Variants in DLGAP2 observed in about 807,000 individuals in gnomAD.
The protein encoded by DLGAP2 is disks large-associated protein 2.
Under a neutral mutation model 100.3 loss-of-function variants are expected in DLGAP2, and 26 were observed. The ratio of observed to expected loss-of-function variants is 0.26; its 90% CI spans 0.19 to 0.36. The LOEUF (loss-of-function observed/expected upper bound fraction) is 0.36, where lower values mean the gene tolerates loss of function less well. Among genes scored for constraint, DLGAP2 ranks in the 10% least tolerant of loss-of-function variants. DLGAP2 has a pLI of 1.00. For synonymous variants in DLGAP2, 886 were observed against 630.1 expected (o/e 1.41, Z -6.08); for missense variants, 1,858 against 1,453.2 (o/e 1.28, Z -4.53).
chr8:1,665,738 C>T (rs1373492387), intron 8 of DLGAP2, among the ~76,000 whole-genome samples: 1 of 152,260 alleles, frequency 6.6e-6, no homozygotes, highest in Non-Finnish European at 1.5e-5. Context: ...GCGCAGCGGA[C>T]ACCGGGCCTG....
At chr8:983,604 C>G (rs1223355611) in intron 2 of DLGAP2, among the ~76,000 whole-genome samples, 2 of 152,170 alleles carry the variant, frequency 1.3e-5, no homozygotes, top group African/African-American at 2.4e-5. Flanking sequence ...TTGGGTGACT[C>G]TGAAGATAAA....
intron 4 of DLGAP2, among the ~76,000 whole-genome samples, chr8:1,506,123 C>G (rs1397511691): frequency 3.3e-5 from 5 of 152,156 alleles, no homozygotes; most frequent in African/African-American, 4.8e-5. Context: ...CATCAGCTAG[C>G]ATAGCTTTAA....
chr8:1,540,249 C>G (rs967835278), intron 4 of DLGAP2, among the ~76,000 whole-genome samples: 2 of 152,174 alleles, frequency 1.3e-5, no homozygotes, highest in Non-Finnish European at 2.9e-5. Flanking sequence ...AGCCCCTTGC[C>G]CCGCGTTTTT....
chr8:1,278,202 T>G (rs918012789), intron 3 of DLGAP2, among the ~76,000 whole-genome samples: 5 of 152,182 alleles, frequency 3.3e-5, no homozygotes, highest in Non-Finnish European at 7.3e-5. Context: ...GCTGTATGCG[T>G]CGGACAAGCC....
chr8:1,294,281 G>C (rs1800122669), intron 3 of DLGAP2, among the ~76,000 whole-genome samples: 1 of 152,164 alleles, frequency 6.6e-6, no homozygotes, highest in Non-Finnish European at 1.5e-5. Context: ...ACTTGGGCTG[G>C]TAAACATTGT....
intron 2 of DLGAP2, among the ~76,000 whole-genome samples, chr8:1,182,206 C>G (rs773063168): frequency 6.6e-6 from 1 of 152,226 alleles, no homozygotes; most frequent in Non-Finnish European, 1.5e-5. Context: ...CTAAGCAGGG[C>G]AGAAACCACT....
intron 2 of DLGAP2, among the ~76,000 whole-genome samples, chr8:926,716 C>T (rs906048724): frequency 4.6e-5 from 7 of 152,214 alleles, no homozygotes; most frequent in African/African-American, 1.4e-4. Flanking sequence ...CTGGCAGCAG[C>T]TGAGCCATGT....
intron 1 of DLGAP2, among the ~76,000 whole-genome samples, chr8:777,250 A>C (rs1450400542): frequency 6.6e-6 from 1 of 150,708 alleles, no homozygotes; most frequent in African/African-American, 2.4e-5. Flanking sequence ...GTGTCTCTGC[A>C]CGTGAGATGG....
intron 5 of DLGAP2, among the ~76,000 whole-genome samples, chr8:1,551,665 C>T (rs1319416860): frequency 6.6e-6 from 1 of 152,218 alleles, no homozygotes; most frequent in Non-Finnish European, 1.5e-5. Context: ...AAAAACCATC[C>T]CTCCGAAAGT....
intron 3 of DLGAP2, among the ~76,000 whole-genome samples, chr8:1,283,744 A>T (rs1799868374): frequency 6.6e-6 from 1 of 152,230 alleles, no homozygotes; most frequent in Non-Finnish European, 1.5e-5. Flanking sequence ...TACAATCCAT[A>T]AAAATAAGTA....
chr8:1,542,323 T>A (rs1298461553), intron 4 of DLGAP2, among the ~76,000 whole-genome samples: 1 of 152,216 alleles, frequency 6.6e-6, no homozygotes, highest in Admixed American at 6.5e-5. Flanking sequence ...GATTTACAGG[T>A]ATGTGCAACC....
chr8:1,517,914 C>G (rs560615233), intron 4 of DLGAP2, among the ~76,000 whole-genome samples: 1 of 152,212 alleles, frequency 6.6e-6, no homozygotes, highest in Non-Finnish European at 1.5e-5. Flanking sequence ...CCATCCCCCA[C>G]GGTATGTTGT....
intron 2 of DLGAP2, among the ~76,000 whole-genome samples, chr8:1,086,318 G>A (rs1442792957): frequency 6.6e-6 from 1 of 152,122 alleles, no homozygotes; most frequent in Non-Finnish European, 1.5e-5. Flanking sequence ...TGGTAAGAGT[G>A]GGCATTTTTG....
At chr8:1,382,854 T>TC (rs34689476) in intron 3 of DLGAP2, among the ~76,000 whole-genome samples, 4 of 152,008 alleles carry the variant, frequency 2.6e-5, no homozygotes, top group South Asian at 2.1e-4. Flanking sequence ...CTTTAGTATA[T>TC]CCCCCCCAAA....
intron 2 of DLGAP2, among the ~76,000 whole-genome samples, chr8:1,153,894 C>G (rs574530616): frequency 1.1e-4 from 16 of 152,292 alleles, no homozygotes; most frequent in African/African-American, 3.6e-4. Flanking sequence ...AAAATCAGTT[C>G]AAGTGCACTG....
chr8:1,689,193 A>G (rs1232168197), intron 12 of DLGAP2, among the ~76,000 whole-genome samples: 2 of 152,230 alleles, frequency 1.3e-5, no homozygotes, highest in Non-Finnish European at 2.9e-5. Flanking sequence ...TTCCACAGTC[A>G]GGTGTGCCCT....
chr8:997,947 C>G (rs751206200), intron 2 of DLGAP2, among the ~76,000 whole-genome samples: 1 of 147,988 alleles, frequency 6.8e-6, no homozygotes, highest in Non-Finnish European at 1.5e-5. Flanking sequence ...TACAGACAAA[C>G]ACATCACACA....
chr8:1,600,338 C>A (rs996291430), intron 6 of DLGAP2, among the ~76,000 whole-genome samples: 3 of 152,082 alleles, frequency 2.0e-5, no homozygotes, highest in Non-Finnish European at 4.4e-5. Flanking sequence ...GTGAATCCGA[C>A]GATTATGTGT....
intron 2 of DLGAP2, among the ~76,000 whole-genome samples, chr8:1,182,141 G>A (rs1797402591): frequency 6.6e-6 from 1 of 152,232 alleles, no homozygotes; most frequent in Non-Finnish European, 1.5e-5. Flanking sequence ...TCCTGAGGTG[G>A]CGAGTCATGT....
Sources: gnomAD v4.1 joint callset for allele counts (sites outside exome capture counted in the v4.1 genomes callset) on GRCh38, gnomAD v4.1.1 for gene constraint, MANE v1.5 for transcripts, NCBI Gene and HGNC (gene_info 2026-07-23, HGNC 2026-07-21) for gene names.